The following RORA variants were observed in gnomAD, a reference collection of about 807,000 sequenced individuals.
RORA encodes the protein RAR related orphan receptor A.
In RORA, 7 loss-of-function variants were observed where a neutral mutation model predicts 69.5. That is an observed-to-expected ratio of 0.10 (90% CI 0.06 to 0.19). RORA has a LOEUF of 0.19. RORA is among the 10% of genes least tolerant of loss of function. RORA has a pLI of 1.00. For missense variants in RORA, 457 were observed against 663.0 expected (o/e 0.69, Z 3.41); for synonymous variants, 261 against 240.8 (o/e 1.08, Z -0.78).
intron 1 of RORA, among the ~76,000 whole-genome samples, chr15:61,029,544 A>C (rs1896029386): frequency 6.6e-6 from 1 of 152,156 alleles, no homozygotes; most frequent in Non-Finnish European, 1.5e-5. Flanking sequence ...AGGGAGTTGG[A>C]AAGCTTATGT....
At chr15:60,642,479 C>A (rs1163213629) in intron 2 of RORA, among the ~76,000 whole-genome samples, 1 of 152,148 alleles carries the variant, frequency 6.6e-6, no homozygotes, top group Non-Finnish European at 1.5e-5. Flanking sequence ...TGAGCAGCTG[C>A]CTTTTCTGGA....
chr15:60,501,900 T>TA (rs1304334182), intron 8 of RORA, among the ~76,000 whole-genome samples: 15 of 152,328 alleles, frequency 9.8e-5, no homozygotes, highest in African/African-American at 3.4e-4. Flanking sequence ...ATATAACTTT[T>TA]AAAAAAATCA....
chr15:60,505,632 A>C lies in RORA; in HGVS notation c.821-3T>G. On this transcript the variant is annotated splice_region_variant and splice_polypyrimidine_tract_variant and intron_variant, in intron 5 of 10. Transcript: ENST00000335670. ...AGATATATTCTGTGCAAGGTGTTCT[A>C]AGGAGAAAACGGGAGATCACAAACA... is the stretch of plus-strand genomic sequence containing the variant. 6.2e-7 allele frequency: 1 copy of C among 1,613,406 alleles called. No homozygotes were observed. The highest frequency in any genetic ancestry group is 8.5e-7 in the Non-Finnish European group (1 of 1,179,670).
chr15:60,611,933 A>G (rs1203730318), intron 2 of RORA, among the ~76,000 whole-genome samples: 2 of 152,206 alleles, frequency 1.3e-5, no homozygotes, highest in Non-Finnish European at 2.9e-5. Context: ...ACTTCCTGGC[A>G]TTCCGTTTTT....
chr15:60,549,071 T>G (rs892401540), intron 2 of RORA, among the ~76,000 whole-genome samples: 1 of 152,244 alleles, frequency 6.6e-6, no homozygotes, highest in Admixed American at 6.5e-5. Flanking sequence ...TGTTCTATGA[T>G]ATGTAGCAGC....
intron 1 of RORA, among the ~76,000 whole-genome samples, chr15:61,099,467 A>T (rs2078845916): frequency 6.6e-6 from 1 of 152,214 alleles, no homozygotes; most frequent in Non-Finnish European, 1.5e-5. Flanking sequence ...TTTTCTAGAT[A>T]AATCAGGAAA....
chr15:60,876,317 G>T (rs866804334), intron 1 of RORA, among the ~76,000 whole-genome samples: 7 of 150,512 alleles, frequency 4.7e-5, no homozygotes, highest in Non-Finnish European at 7.4e-5. Flanking sequence ...GAAGTGGGGG[G>T]GGGGGGGGGC....
At chr15:60,592,394 C>T (rs1291877180) in intron 2 of RORA, 1 of 1,437,714 alleles carries the variant, frequency 7.0e-7, no homozygotes, top group Non-Finnish European at 9.2e-7. Context: ...CACCTTTCAT[C>T]GCTGCGATCA....
chr15:61,077,825 A>G (rs1306301998), intron 1 of RORA, among the ~76,000 whole-genome samples: 1 of 152,092 alleles, frequency 6.6e-6, no homozygotes, highest in African/African-American at 2.4e-5. Flanking sequence ...CTACCTTACA[A>G]AGGTAGCGCT....
intron 1 of RORA, among the ~76,000 whole-genome samples, chr15:60,983,283 G>A (rs939500676): frequency 2.6e-5 from 4 of 152,208 alleles, no homozygotes; most frequent in Non-Finnish European, 5.9e-5. Flanking sequence ...TAGACTCTTT[G>A]TAGCAATAAG....
chr15:60,812,430 A>G (rs2072757443), intron 1 of RORA, among the ~76,000 whole-genome samples: 1 of 152,190 alleles, frequency 6.6e-6, no homozygotes, highest in Non-Finnish European at 1.5e-5. Flanking sequence ...GAATTGCTAT[A>G]GCCTAGGAGT....
chr15:60,917,385 C>G (rs1043562259), intron 1 of RORA, among the ~76,000 whole-genome samples: 2 of 152,180 alleles, frequency 1.3e-5, no homozygotes, highest in African/African-American at 4.8e-5. Context: ...AAGTAGCTTT[C>G]TGTGTGTCAA....
chr15:60,874,461 G>A (rs1367391742), intron 1 of RORA, among the ~76,000 whole-genome samples: 3 of 152,092 alleles, frequency 2.0e-5, no homozygotes, highest in Non-Finnish European at 1.5e-5. Flanking sequence ...TTTTAGTTTT[G>A]TGCCAAGACT....
intron 1 of RORA, among the ~76,000 whole-genome samples, chr15:61,204,479 T>C (rs1025314754): frequency 3.3e-5 from 5 of 152,180 alleles, no homozygotes; most frequent in African/African-American, 1.2e-4. Context: ...AAGTTCAGTA[T>C]GGCTACAAAG....
At chr15:60,627,205 C>A (rs199697683) in intron 2 of RORA, 6 of 1,594,912 alleles carry the variant, frequency 3.8e-6, no homozygotes, top group Admixed American at 3.3e-5. Context: ...CAGTGATCAG[C>A]AGAGCAAAGA....
In RORA at chr15:60,842,613, C is replaced by A. The variant is rs1401589176; in HGVS notation, c.167-163927G>T. The stretch of plus-strand genomic sequence containing the variant: ...CAGTGGTGAGCATTGGACTGCAGAT[C>A]TTATGATGTCAAAACCCATGCTCTT... On this transcript the variant is annotated intron_variant, in intron 1 of 10. Coordinates refer to ENST00000335670, the MANE Select transcript of RORA (RefSeq NM_134261.3). 2.0e-5 allele frequency among the ~76,000 whole-genome samples: 3 copies of A among 152,176 alleles called. No individual in the cohort carries two copies. The East Asian group carries it at 5.8e-4, about 29-fold the overall frequency.
chr15:61,191,126 G>T (rs1483174054), intron 1 of RORA, among the ~76,000 whole-genome samples: 2 of 152,078 alleles, frequency 1.3e-5, no homozygotes, highest in Non-Finnish European at 2.9e-5. Flanking sequence ...GATTTGTATT[G>T]AAAGGCTGGC....
At chr15:60,814,107 T>C (rs1481026512) in intron 1 of RORA, among the ~76,000 whole-genome samples, 1 of 152,204 alleles carries the variant, frequency 6.6e-6, no homozygotes, top group East Asian at 1.9e-4. Context: ...CAATGTCACA[T>C]AATGAAGACT....
chr15:61,062,030 T>G (rs554185385), intron 1 of RORA, among the ~76,000 whole-genome samples: 3 of 152,286 alleles, frequency 2.0e-5, no homozygotes, highest in East Asian at 3.9e-4. Flanking sequence ...GCCACTGCAC[T>G]CTAGCCTGGG....
Sources: gnomAD v4.1 joint callset for allele counts (sites outside exome capture counted in the v4.1 genomes callset) on GRCh38, gnomAD v4.1.1 for gene constraint, MANE v1.5 for transcripts, NCBI Gene and HGNC (gene_info 2026-07-23, HGNC 2026-07-21) for gene names.